ACSS2: variants seen among roughly 807,000 people sequenced by gnomAD.
ACSS2 encodes the protein acetyl-coenzyme A synthetase, cytoplasmic.
A neutral mutation model predicts 90.6 loss-of-function variants in ACSS2; 58 were observed. That is an observed-to-expected ratio of 0.64 (90% CI 0.52 to 0.80). ACSS2 has a LOEUF of 0.80. Among genes scored for constraint, ACSS2 ranks in the 30% least tolerant of loss-of-function variants. ACSS2 has a pLI of 0.00. For missense variants in ACSS2, 759 were observed against 912.0 expected (o/e 0.83, Z 2.16); for synonymous variants, 300 against 330.9 (o/e 0.91, Z 1.01).
chr20:34,907,284 A>C (rs1282545336), intron 2 of ACSS2, among the ~76,000 whole-genome samples: 1 of 151,878 alleles, frequency 6.6e-6, no homozygotes, highest in Non-Finnish European at 1.5e-5. Context: ...TGCCCGGCTA[A>C]TTTTTGTCTT....
intron 2 of ACSS2, among the ~76,000 whole-genome samples, chr20:34,898,027 C>A (rs1399032943): frequency 1.3e-5 from 2 of 152,078 alleles, no homozygotes; most frequent in Non-Finnish European, 1.5e-5. Context: ...GAGTTTGTTC[C>A]TTCTGATGTT....
chr20:34,921,655 C>T (rs1475456145), intron 12 of ACSS2, 55 bp downstream of exon 12: 7 of 1,613,020 alleles, frequency 4.3e-6, no homozygotes, highest in Admixed American at 3.3e-5. Context: ...TGTCTTGGGG[C>T]ACTTGGCCTA....
chr20:34,890,143 A>C (rs1002442913), intron 2 of ACSS2, among the ~76,000 whole-genome samples: 13 of 152,296 alleles, frequency 8.5e-5, no homozygotes, highest in African/African-American at 3.1e-4. Context: ...TCATTATGGA[A>C]AGAAACCAGC....
chr20:34,876,585 T>C (rs1399475071), upstream of ACSS2: 1 of 1,283,852 alleles, frequency 7.8e-7, no homozygotes, highest in African/African-American at 1.5e-5. Context: ...TCGGCCTGTT[T>C]TCTCAGTCCC....
exon 1 of ACSS2, chr20:34,876,594 CCGGCACCCGCCGCGACCGCAA>C: frequency 7.7e-7 from 1 of 1,294,000 alleles, no homozygotes; most frequent in Non-Finnish European, 9.9e-7. Context: ...TTTCTCAGTC[CCGGCACCCGCCGCGACCGCAA>C]AGGCGGCCGC....
chr20:34,884,202 C>T (rs1207798168), intron 2 of ACSS2, among the ~76,000 whole-genome samples: 4 of 152,178 alleles, frequency 2.6e-5, no homozygotes, highest in African/African-American at 9.7e-5. Context: ...TCAAGCGATC[C>T]ACCTGTCTTG....
intron 2 of ACSS2, among the ~76,000 whole-genome samples, chr20:34,907,224 C>T (rs1415923968): frequency 1.3e-5 from 2 of 151,376 alleles, no homozygotes; most frequent in African/African-American, 4.9e-5. Flanking sequence ...CTCAGGTGAT[C>T]CTCCCACCAC....
intron 2 of ACSS2, 28 bp downstream of exon 2, chr20:34,883,017 G>A (rs2146969465): frequency 3.2e-6 from 5 of 1,556,476 alleles, no homozygotes; most frequent in Non-Finnish European, 8.7e-7. Flanking sequence ...ATACTTGGTG[G>A]CAGATAAAAA....
rs758706462 is a variant in ACSS2 at position 34,914,313 on chromosome 20, TC to T, written c.720-9del. On this transcript the variant is annotated splice_polypyrimidine_tract_variant and intron_variant, in intron 6 of 17. Coordinates refer to ENST00000360596, the MANE Select transcript of ACSS2 (RefSeq NM_018677.4). ...ACAAGGCTACCACTTTAGGCTTTTCTCTTCTCCAGGGGTTTCCCAGTAAGAT... is the reference window on the plus strand; with the variant it reads ...ACAAGGCTACCACTTTAGGCTTTTCTTTCTCCAGGGGTTTCCCAGTAAGAT... The T allele has an allele frequency of 3.7e-6, 6 of 1,611,612 alleles. No individual in the cohort carries two copies. The African/African-American group carries it at 8.0e-5, about 21-fold the overall frequency.
chr20:34,926,837 A>C (rs1367882534), intron 16 of ACSS2, 40 bp from the exon 17 acceptor site: 1 of 1,608,232 alleles, frequency 6.2e-7, no homozygotes, highest in African/African-American at 1.3e-5. Context: ...AAGTCTGGCT[A>C]AGGGTGCTGA....
intron 7 of ACSS2, among the ~76,000 whole-genome samples, chr20:34,915,590 A>AGGAGGAGGT (rs2081061874): frequency 6.6e-6 from 1 of 152,126 alleles, no homozygotes; most frequent in South Asian, 2.1e-4. Flanking sequence ...AGACAGGAGG[A>AGGAGGAGGT]GGAGGAGGTG....
intron 8 of ACSS2, among the ~76,000 whole-genome samples, 181 bp from the exon 9 acceptor site, chr20:34,920,355 GTGA>G (rs1205812668): frequency 6.6e-6 from 1 of 152,206 alleles, no homozygotes; most frequent in Non-Finnish European, 1.5e-5. Flanking sequence ...CATCAGGAGT[GTGA>G]TAAAGGAGAT....
At chr20:34,882,346 G>A (rs1203171727) in intron 1 of ACSS2, among the ~76,000 whole-genome samples, 3 of 152,136 alleles carry the variant, frequency 2.0e-5, no homozygotes, top group Non-Finnish European at 4.4e-5. Context: ...GCTGCTGGCC[G>A]GGCGCGGTGG....
chr20:34,900,025 C>T (rs775530268), intron 2 of ACSS2, among the ~76,000 whole-genome samples: 34 of 152,136 alleles, frequency 2.2e-4, no homozygotes, highest in Non-Finnish European at 4.4e-4. Flanking sequence ...TTTATATTCC[C>T]GGCAATGTAT....
intron 2 of ACSS2, among the ~76,000 whole-genome samples, chr20:34,910,625 A>G (rs545586223): frequency 7.0e-4 from 107 of 152,368 alleles, no homozygotes; most frequent in Non-Finnish European, 1.3e-3. Flanking sequence ...TCTGTACTCC[A>G]GCCTATCAAT....
intron 7 of ACSS2, among the ~76,000 whole-genome samples, chr20:34,915,852 G>A (rs1478913434): frequency 6.6e-6 from 1 of 152,202 alleles, no homozygotes; most frequent in African/African-American, 2.4e-5. Flanking sequence ...AAGCAGATTA[G>A]TATCGAGGAA....
chr20:34,878,297 T>C (rs1382136336), intron 1 of ACSS2, among the ~76,000 whole-genome samples: 5 of 152,176 alleles, frequency 3.3e-5, no homozygotes, highest in African/African-American at 1.2e-4. Flanking sequence ...GGGACAAACA[T>C]GGGCCACGAA....
intron 1 of ACSS2, among the ~76,000 whole-genome samples, chr20:34,879,454 A>G (rs1415707455): frequency 6.6e-6 from 1 of 151,550 alleles, no homozygotes. Flanking sequence ...CCTCTTCTGA[A>G]TATCTTTAGT....
intron 1 of ACSS2, 148 bp downstream of exon 1, chr20:34,876,971 A>G: frequency 3.9e-6 from 2 of 515,310 alleles, no homozygotes; most frequent in Non-Finnish European, 6.0e-6. Context: ...TTGAAAATGG[A>G]AAAGGGATTC....
Sources: allele counts gnomAD v4.1 joint callset (sites outside exome capture counted in the v4.1 genomes callset), GRCh38; gene constraint gnomAD v4.1.1; transcripts MANE v1.5; gene names NCBI Gene and HGNC (gene_info 2026-07-23, HGNC 2026-07-21).